The following SMCO2 variants were observed in gnomAD, a reference collection of about 807,000 sequenced individuals.
SMCO2 encodes the protein single-pass membrane protein with coiled-coil domains 2.
A neutral mutation model predicts 29.5 loss-of-function variants in SMCO2; 25 were observed. The observed-to-expected ratio is 0.85, with a 90% CI of 0.62 to 1.18. The LOEUF is 1.18. Among genes scored for constraint, SMCO2 ranks in the 50% most tolerant of loss-of-function variants. The pLI is 0.00. For missense variants in SMCO2, 348 were observed against 344.5 expected (o/e 1.01, Z -0.08); for synonymous variants, 117 against 123.3 (o/e 0.95, Z 0.34).
At chr12:27,489,559 T>G (rs952623937) in intron 5 of SMCO2, among the ~76,000 whole-genome samples, 3 of 152,130 alleles carry the variant, frequency 2.0e-5, no homozygotes, top group African/African-American at 7.2e-5. Context: ...TAAATGTGAG[T>G]AGATTTTGGA....
chr12:27,437,356 G>A, the SMCO2 span, among the ~76,000 whole-genome samples: 6 of 152,174 alleles, frequency 3.9e-5, no homozygotes, highest in East Asian at 1.2e-3. Context: ...TCCATAAATT[G>A]GAGTTCTGCA....
At chr12:27,496,118 T>C (rs532813181) in intron 7 of SMCO2, among the ~76,000 whole-genome samples, 1 of 150,364 alleles carries the variant, frequency 6.7e-6, no homozygotes, top group East Asian at 1.9e-4. Context: ...TAGATAAATA[T>C]ATCTAAATAT....
intron 4 of SMCO2, among the ~76,000 whole-genome samples, chr12:27,487,125 T>C (rs1949695090): frequency 6.6e-6 from 1 of 152,226 alleles, no homozygotes; most frequent in Non-Finnish European, 1.5e-5. Flanking sequence ...TATAGTTCCA[T>C]GCAATTTTAT....
chr12:27,499,554 T>C, intron 7 of SMCO2, among the ~76,000 whole-genome samples: 1 of 150,602 alleles, frequency 6.6e-6, no homozygotes, highest in Non-Finnish European at 1.5e-5. Context: ...AGCCTCTGGA[T>C]TGTACAATGT....
the SMCO2 span, among the ~76,000 whole-genome samples, chr12:27,435,343 A>ATG: frequency 8.4e-6 from 1 of 118,748 alleles, no homozygotes; most frequent in Non-Finnish European, 1.6e-5. Context: ...ACAGGGCTGA[A>ATG]TGTCCTCTGG....
chr12:27,443,491 A>G, the SMCO2 span, among the ~76,000 whole-genome samples: 1 of 152,214 alleles, frequency 6.6e-6, no homozygotes, highest in Non-Finnish European at 1.5e-5. Flanking sequence ...CTGTTATTCA[A>G]CGTAATATTG....
the SMCO2 span, among the ~76,000 whole-genome samples, chr12:27,435,938 A>G: frequency 6.6e-6 from 1 of 152,226 alleles, no homozygotes; most frequent in African/African-American, 2.4e-5. Flanking sequence ...CATAGACTAG[A>G]TTGCTTAAAC....
the SMCO2 span, among the ~76,000 whole-genome samples, chr12:27,460,212 G>A: frequency 6.6e-6 from 1 of 152,156 alleles, no homozygotes; most frequent in African/African-American, 2.4e-5. Flanking sequence ...GTTAATATAT[G>A]CAAGGTGTTT....
At chr12:27,466,461 T>C (rs1031350312), upstream of SMCO2, among the ~76,000 whole-genome samples, 1 of 152,166 alleles carries the variant, frequency 6.6e-6, no homozygotes, top group Non-Finnish European at 1.5e-5. Flanking sequence ...TGCTTGTTAC[T>C]GGTAGAAGAC....
chr12:27,494,517 AT>A (rs1942974125), intron 6 of SMCO2, among the ~76,000 whole-genome samples, 161 bp downstream of exon 7: 1 of 143,578 alleles, frequency 7.0e-6, no homozygotes, highest in African/African-American at 2.6e-5. Flanking sequence ...TATTATTATT[AT>A]TATTATACTT....
At chr12:27,433,584 T>C in the SMCO2 span, among the ~76,000 whole-genome samples, 1 of 151,920 alleles carries the variant, frequency 6.6e-6, no homozygotes, top group East Asian at 1.9e-4. Flanking sequence ...TGCAAAAGTG[T>C]CAGGAGAAAG....
chr12:27,477,209 GGTTTT>G (rs1239171270), intron 4 of SMCO2, among the ~76,000 whole-genome samples: 2,315 of 133,980 alleles, frequency 0.017, 83 homozygotes, highest in African/African-American at 0.059. Context: ...TTGGCTGTCA[GGTTTT>G]TTTTTTTTTT....
At chr12:27,487,289 T>G (rs150818503) in intron 4 of SMCO2, among the ~76,000 whole-genome samples, 16 of 152,212 alleles carry the variant, frequency 1.1e-4, no homozygotes, top group Non-Finnish European at 5.9e-5. Flanking sequence ...ATAATTATGC[T>G]ATTTCATGAA....
the SMCO2 span, chr12:27,423,959 G>T: frequency 6.6e-6 from 1 of 152,138 alleles, no homozygotes; most frequent in African/African-American, 2.4e-5. Context: ...TGCTATCAAT[G>T]TAAGATACAT....
intron 1 of SMCO2, 80 bp from the exon 2 acceptor site, chr12:27,470,542 G>A: frequency 6.8e-7 from 1 of 1,460,474 alleles, no homozygotes; most frequent in Non-Finnish European, 9.2e-7. Flanking sequence ...TGAGGAAGAA[G>A]TTAGTCTGGT....
At position 27,488,442 on chromosome 12, in the gene SMCO2, A is replaced by G. The variant is rs448088; in HGVS notation, c.363-18A>G. 0.038 allele frequency: 56,866 copies of G among 1,488,694 alleles called. 5,214 individuals are homozygous for G. Among genetic ancestry groups the G allele is most frequent in the East Asian group, 0.28 (10,656 of 38,134 alleles). The allele number at this position is 1,488,694 out of a possible 1,614,324, so 92.2% of individuals were successfully genotyped here. The stretch of plus-strand genomic sequence containing the variant: ...TTTTTCTTAATCTGCAGGCCTTAGT[A>G]TCTTGGTCTGTTTGCAGCTTATTAA... On this transcript the variant is annotated intron_variant, in intron 4 of 7. Transcript: ENST00000298876.
At chr12:27,446,975 C>T in the SMCO2 span, among the ~76,000 whole-genome samples, 1 of 152,132 alleles carries the variant, frequency 6.6e-6, no homozygotes, top group South Asian at 2.1e-4. Context: ...GGTGGCTGAG[C>T]ATTGGCATTT....
intron 1 of SMCO2, among the ~76,000 whole-genome samples, chr12:27,469,872 G>A (rs1949527295): frequency 6.6e-6 from 1 of 152,146 alleles, no homozygotes; most frequent in South Asian, 2.1e-4. Flanking sequence ...TATCAGACTG[G>A]AAGGAAGGTT....
the SMCO2 span, among the ~76,000 whole-genome samples, chr12:27,435,334 C>T: frequency 6.4e-5 from 8 of 124,902 alleles, no homozygotes; most frequent in South Asian, 2.4e-3. Context: ...TGTCTGCAGA[C>T]AGGGCTGAAT....
Sources: gnomAD v4.1 joint callset for allele counts (sites outside exome capture counted in the v4.1 genomes callset) on GRCh38, gnomAD v4.1.1 for gene constraint, MANE v1.5 for transcripts, NCBI Gene and HGNC (gene_info 2026-07-23, HGNC 2026-07-21) for gene names.